METTL15: variants seen among roughly 807,000 people sequenced by gnomAD.
The protein encoded by METTL15 is methyltransferase 15, mitochondrial 12S rRNA N4-cytidine.
Under a neutral mutation model 38.3 loss-of-function variants are expected in METTL15, and 34 were observed. The ratio of observed to expected loss-of-function variants is 0.89; its 90% CI spans 0.68 to 1.18. METTL15 has a LOEUF of 1.18. Ranked by LOEUF, METTL15 falls within the 50% of genes most tolerant of loss-of-function variation. The pLI is 0.00. For synonymous variants in METTL15, 162 were observed against 170.9 expected (o/e 0.95, Z 0.41); for missense variants, 438 against 498.4 (o/e 0.88, Z 1.15).
chr11:28,502,411 G>A (rs1851592138), intron 6 of METTL15, among the ~76,000 whole-genome samples: 1 of 152,186 alleles, frequency 6.6e-6, no homozygotes, highest in South Asian at 2.1e-4. Flanking sequence ...ATGAGCAGGT[G>A]AATATGGTCT....
At chr11:28,329,657 A>G (rs532736807) in intron 6 of METTL15, among the ~76,000 whole-genome samples, 1 of 152,262 alleles carries the variant, frequency 6.6e-6, no homozygotes, top group East Asian at 1.9e-4. Context: ...TTTTATAGCT[A>G]TGGCCTTATC....
chr11:28,429,078 C>T (rs970551915), intron 6 of METTL15, among the ~76,000 whole-genome samples: 36 of 152,168 alleles, frequency 2.4e-4, no homozygotes, highest in African/African-American at 6.8e-4. Context: ...CCAAGCTCTG[C>T]TGGCCCATCT....
At chr11:28,367,372 A>T (rs564190535) in intron 5 of METTL15, among the ~76,000 whole-genome samples, 2 of 152,284 alleles carry the variant, frequency 1.3e-5, no homozygotes, top group African/African-American at 4.8e-5. Flanking sequence ...CATTCCTGAA[A>T]ATGTTTGAGA....
intron 5 of METTL15, among the ~76,000 whole-genome samples, chr11:28,376,690 G>T (rs1266368360): frequency 2.0e-5 from 3 of 151,560 alleles, no homozygotes; most frequent in Non-Finnish European, 4.4e-5. Context: ...GTGTGAATTT[G>T]ATCCTGTCAT....
downstream of METTL15, among the ~76,000 whole-genome samples, chr11:28,529,481 T>C (rs1851832180): frequency 6.6e-6 from 1 of 151,770 alleles, no homozygotes; most frequent in African/African-American, 2.4e-5. Flanking sequence ...AATATGCCCT[T>C]TTGCAAAGCT....
intron 6 of METTL15, among the ~76,000 whole-genome samples, chr11:28,508,817 C>CA (rs905490324): frequency 1.1e-4 from 16 of 150,464 alleles, no homozygotes; most frequent in East Asian, 3.9e-4. Context: ...TATTTCTTGC[C>CA]AAAAAAAAAT....
rs144334853 is a variant in METTL15 at position 28,260,896 on chromosome 11, A to G, written c.408-29310A>G. Among the ~76,000 whole-genome samples the G allele has an allele frequency of 3.2e-3, 482 of 152,288 alleles. 10 individuals are homozygous for G. In the South Asian group the frequency reaches 0.042, roughly 13 times the overall value. ...CATAGGCTGTAGGGTAGGAATGGCA[A>G]GTAGACTATAGTTTGAGTTAAGGCC... On this transcript the variant is annotated intron_variant, in intron 4 of 6. Coordinates refer to ENST00000407364, the MANE Select transcript of METTL15 (RefSeq NM_001113528.2).
At chr11:28,238,867 G>A (rs1290342869) in intron 4 of METTL15, among the ~76,000 whole-genome samples, 1 of 152,154 alleles carries the variant, frequency 6.6e-6, no homozygotes, top group African/African-American at 2.4e-5. Context: ...AAATTCAGTG[G>A]TTAGTTCTGA....
At chr11:28,149,555 C>T (rs1182423218) in intron 3 of METTL15, among the ~76,000 whole-genome samples, 1 of 151,800 alleles carries the variant, frequency 6.6e-6, no homozygotes, top group African/African-American at 2.4e-5. Context: ...GGCCGTGGTG[C>T]CTTCATAGAT....
At chr11:28,174,637 A>T (rs1850984495) in intron 3 of METTL15, among the ~76,000 whole-genome samples, 1 of 151,520 alleles carries the variant, frequency 6.6e-6, no homozygotes, top group African/African-American at 2.4e-5. Flanking sequence ...ACACGGTGAA[A>T]CCCCGTCTCT....
chr11:28,521,615 T>C (rs1851765772), intron 6 of METTL15, among the ~76,000 whole-genome samples: 5 of 152,142 alleles, frequency 3.3e-5, no homozygotes, highest in Admixed American at 3.3e-4. Context: ...CTCCCTGCTG[T>C]AAACTCCAGC....
At chr11:28,428,114 T>G (rs1850881511) in intron 6 of METTL15, among the ~76,000 whole-genome samples, 1 of 152,214 alleles carries the variant, frequency 6.6e-6, no homozygotes, top group South Asian at 2.1e-4. Context: ...TCTATAAATG[T>G]GTCATTAGGT....
intron 6 of METTL15, among the ~76,000 whole-genome samples, chr11:28,308,912 A>ATAGG (rs1555031592): frequency 6.6e-6 from 1 of 151,916 alleles, no homozygotes; most frequent in African/African-American, 2.4e-5. Context: ...AGATAGATAG[A>ATAGG]TAGATAGATA....
At chr11:28,491,452 C>T (rs563823731) in intron 6 of METTL15, among the ~76,000 whole-genome samples, 5 of 152,170 alleles carry the variant, frequency 3.3e-5, no homozygotes, top group South Asian at 4.1e-4. Context: ...TTATTGGTCA[C>T]GTCAGGTGCA....
At chr11:28,437,144 A>G (rs939105632) in intron 6 of METTL15, among the ~76,000 whole-genome samples, 2 of 152,172 alleles carry the variant, frequency 1.3e-5, no homozygotes, top group Admixed American at 1.3e-4. Flanking sequence ...TGAGGGCTGC[A>G]CTATCAGCTT....
intron 5 of METTL15, among the ~76,000 whole-genome samples, chr11:28,293,523 T>A (rs1036086800): frequency 6.6e-6 from 1 of 152,206 alleles, no homozygotes; most frequent in East Asian, 1.9e-4. Context: ...GGCTTAGGAT[T>A]GACTTGGTGA....
chr11:28,414,378 C>T (rs1332184215), intron 5 of METTL15, among the ~76,000 whole-genome samples: 1 of 152,074 alleles, frequency 6.6e-6, no homozygotes, highest in Admixed American at 6.6e-5. Flanking sequence ...GTGCCTCCCT[C>T]TGTTAAAACT....
intron 6 of METTL15, among the ~76,000 whole-genome samples, chr11:28,315,657 C>T (rs1329427297): frequency 6.6e-6 from 1 of 152,244 alleles, no homozygotes; most frequent in Non-Finnish European, 1.5e-5. Flanking sequence ...GAGGTCTTCA[C>T]AGCAGCCCCT....
intron 6 of METTL15, among the ~76,000 whole-genome samples, chr11:28,475,299 A>G (rs1851336545): frequency 1.3e-5 from 2 of 152,214 alleles, no homozygotes; most frequent in African/African-American, 2.4e-5. Context: ...TGAAAATTGC[A>G]TGATCCTCTT....
Sources: gnomAD v4.1 joint callset for allele counts (sites outside exome capture counted in the v4.1 genomes callset) on GRCh38, gnomAD v4.1.1 for gene constraint, MANE v1.5 for transcripts, NCBI Gene and HGNC (gene_info 2026-07-23, HGNC 2026-07-21) for gene names.